Variants in LIMS1 observed in about 807,000 individuals in gnomAD.
The protein encoded by LIMS1 is LIM and senescent cell antigen-like-containing domain protein 1.
In LIMS1, 18 loss-of-function variants were observed where a neutral mutation model predicts 44.1. That is an observed-to-expected ratio of 0.41 (90% CI 0.28 to 0.61). The LOEUF (loss-of-function observed/expected upper bound fraction) is 0.61. Among genes scored for constraint, LIMS1 ranks in the 20% least tolerant of loss-of-function variants. The probability of loss-of-function intolerance (pLI) is 0.32; values close to 1 mark genes in which losing one functional copy is unlikely to be tolerated. For missense variants in LIMS1, 201 were observed against 422.0 expected, an observed-to-expected ratio of 0.48 and a Z score of 4.59; for synonymous variants, 93 against 149.1, an observed-to-expected ratio of 0.62 and a Z score of 2.74.
intron 1 of LIMS1, among the ~76,000 whole-genome samples, chr2:108,552,221 AATAC>A (rs1260895422): frequency 1.4e-5 from 2 of 144,438 alleles, no homozygotes; most frequent in Non-Finnish European, 3.0e-5. Context: ...TATAATACAT[AATAC>A]ATTAGTTATA....
intron 1 of LIMS1, chr2:108,607,274 T>A: frequency 6.5e-7 from 1 of 1,550,208 alleles, no homozygotes; most frequent in Non-Finnish European, 8.7e-7. Flanking sequence ...TGCTGCACAA[T>A]ATTGAGCTGT....
intron 1 of LIMS1, among the ~76,000 whole-genome samples, chr2:108,559,869 C>T (rs1685053383): frequency 6.6e-6 from 1 of 152,174 alleles, no homozygotes; most frequent in African/African-American, 2.4e-5. Flanking sequence ...CTGAAAGTCA[C>T]TCTGAGCACA....
At chr2:108,542,099 G>T (rs1050829355) in intron 1 of LIMS1, among the ~76,000 whole-genome samples, 10 of 152,182 alleles carry the variant, frequency 6.6e-5, no homozygotes, top group Admixed American at 1.3e-4. Context: ...TTCAGGGCTA[G>T]CTCTGTTTAG....
intron 1 of LIMS1, among the ~76,000 whole-genome samples, chr2:108,571,572 A>G (rs1558792072): frequency 6.6e-6 from 1 of 152,216 alleles, no homozygotes; most frequent in South Asian, 2.1e-4. Flanking sequence ...GGGACAATAA[A>G]TAGCCTTAAA....
intron 1 of LIMS1, among the ~76,000 whole-genome samples, chr2:108,552,427 TA>T (rs1221606753): frequency 2.8e-5 from 4 of 145,346 alleles, no homozygotes; most frequent in Non-Finnish European, 6.0e-5. Flanking sequence ...TGTATATAGT[TA>T]AAAATATAAA....
At chr2:108,542,049 C>A (rs958416409) in intron 1 of LIMS1, among the ~76,000 whole-genome samples, 1 of 152,198 alleles carries the variant, frequency 6.6e-6, no homozygotes, top group Admixed American at 6.5e-5. Flanking sequence ...GCACAGTAGG[C>A]TTTATTTCTC....
intron 1 of LIMS1, among the ~76,000 whole-genome samples, chr2:108,586,287 C>T (rs1686101393): frequency 6.6e-6 from 1 of 152,068 alleles, no homozygotes. Flanking sequence ...TCAAGATAGA[C>T]TCATTTTAAC....
intron 5 of LIMS1, among the ~76,000 whole-genome samples, chr2:108,674,130 A>G (rs1692340793): frequency 6.6e-6 from 1 of 151,568 alleles, no homozygotes; most frequent in South Asian, 2.1e-4. Flanking sequence ...GATCAAGACC[A>G]TCCTGGCTAA....
exon 10 of LIMS1, chr2:108,687,217 T>C (rs1384852489): frequency 6.6e-6 from 1 of 152,212 alleles, no homozygotes; most frequent in Non-Finnish European, 1.5e-5. Flanking sequence ...TTCTTGGTGC[T>C]TAATAAATGT....
chr2:108,629,675 TA>T (rs914925654), intron 1 of LIMS1, among the ~76,000 whole-genome samples: 6 of 152,336 alleles, frequency 3.9e-5, no homozygotes, highest in African/African-American at 1.4e-4. Context: ...CCTCCAAATA[TA>T]AAAAGAAAGG....
rs368565073 is a variant in LIMS1, at chr2:108,659,678, G to A, written c.106G>A (p.Val36Met). The A allele has an allele frequency of 5.8e-5, 94 of 1,612,400 alleles. No individual in the cohort carries two copies. Among genetic ancestry groups the A allele is most frequent in the South Asian group, 3.5e-4 (32 of 90,994 alleles). The change falls in exon 2 of 10, where the codon GTG becomes ATG. Residue 36 changes from valine to methionine, a missense_variant. This residue lies in a region of LIMS1 where 101 missense variants were observed against 215.2 expected (regional missense o/e 0.47). Coordinates refer to ENST00000544547, the Ensembl canonical transcript of LIMS1. Reference sequence around the variant, plus strand: ...CGGCTTTGCGCCCGCTGAGAAGATCGTGAACAGTAATGGGGAGCTGTACCA... The same window carrying A: ...CGGCTTTGCGCCCGCTGAGAAGATCATGAACAGTAATGGGGAGCTGTACCA...
chr2:108,560,705 G>A (rs1685083736), intron 1 of LIMS1, among the ~76,000 whole-genome samples: 1 of 152,030 alleles, frequency 6.6e-6, no homozygotes, highest in African/African-American at 2.4e-5. Context: ...ATGGATGGAT[G>A]GATGGATTTT....
chr2:108,646,433 GA>G (rs1690067379), intron 1 of LIMS1, among the ~76,000 whole-genome samples: 1 of 152,166 alleles, frequency 6.6e-6, no homozygotes, highest in Non-Finnish European at 1.5e-5. Context: ...TGAAACCAAT[GA>G]GAACAAAGAC....
chr2:108,654,037 TG>T (rs1359217885), intron 1 of LIMS1, among the ~76,000 whole-genome samples: 12 of 142,770 alleles, frequency 8.4e-5, no homozygotes, highest in Admixed American at 1.5e-4. Context: ...ACTTTGAGTT[TG>T]TGTCTGTCCT....
chr2:108,550,464 A>C (rs1684643645), intron 1 of LIMS1, among the ~76,000 whole-genome samples: 1 of 151,522 alleles, frequency 6.6e-6, no homozygotes, highest in Non-Finnish European at 1.5e-5. Flanking sequence ...ACGCCACTGC[A>C]CTCCAGCCTG....
chr2:108,574,604 AGT>A (rs1307721469), intron 1 of LIMS1, among the ~76,000 whole-genome samples: 3 of 152,212 alleles, frequency 2.0e-5, no homozygotes, highest in Non-Finnish European at 4.4e-5. Context: ...GTTTATAACT[AGT>A]AAGTATTCTA....
intron 1 of LIMS1, among the ~76,000 whole-genome samples, chr2:108,576,921 C>T (rs1462583782): frequency 2.0e-5 from 3 of 152,148 alleles, no homozygotes; most frequent in Non-Finnish European, 4.4e-5. Flanking sequence ...TAGGAGGGAA[C>T]GTGCCAACAG....
chr2:108,660,411 G>A (rs1280603208), intron 2 of LIMS1: 24 of 434,722 alleles, frequency 5.5e-5, no homozygotes, highest in South Asian at 3.6e-4. Context: ...CAACATTACC[G>A]AAACCCCTTT....
intron 1 of LIMS1, among the ~76,000 whole-genome samples, chr2:108,609,771 C>T (rs1687484945): frequency 6.6e-6 from 1 of 152,190 alleles, no homozygotes; most frequent in Admixed American, 6.5e-5. Flanking sequence ...CACACATATA[C>T]AGCAGTGTAT....
Sources: gnomAD v4.1 joint callset for allele counts (sites outside exome capture counted in the v4.1 genomes callset) on GRCh38, gnomAD v4.1.1 for gene constraint, gnomAD v4.1.1 regional missense constraint, MANE v1.5 for transcripts, NCBI Gene and HGNC (gene_info 2026-07-23, HGNC 2026-07-21) for gene names.